PSMF1: variants seen among roughly 807,000 people sequenced by gnomAD.
PSMF1 encodes the protein proteasome inhibitor PI31 subunit.
A neutral mutation model predicts 29.3 loss-of-function variants in PSMF1; 30 were observed. That is an observed-to-expected ratio of 1.02 (90% CI 0.77 to 1.39). The LOEUF is 1.39. PSMF1 is among the 40% of genes most tolerant of loss of function. The pLI is 0.00. For missense variants in PSMF1, 344 were observed against 357.5 expected (o/e 0.96, Z 0.31); for synonymous variants, 134 against 139.7 (o/e 0.96, Z 0.29).
chr20:1,160,599 A>G (rs537841130), intron 4 of PSMF1: 3 of 493,898 alleles, frequency 6.1e-6, no homozygotes, highest in African/African-American at 5.9e-5. Flanking sequence ...AGAAGAGATC[A>G]CCATACTCGT....
At chr20:1,157,331 C>T (rs1226771826) in intron 4 of PSMF1, among the ~76,000 whole-genome samples, 4 of 152,164 alleles carry the variant, frequency 2.6e-5, no homozygotes, top group Non-Finnish European at 5.9e-5. Flanking sequence ...CAGTATTAAC[C>T]ATCACATGTC....
intron 4 of PSMF1, among the ~76,000 whole-genome samples, chr20:1,141,843 A>G (rs1279370056): frequency 2.0e-5 from 3 of 152,232 alleles, no homozygotes; most frequent in African/African-American, 4.8e-5. Flanking sequence ...TTAACATACA[A>G]AAGTTAATTG....
Position 1,164,976 on chromosome 20 carries a change from G to A in PSMF1, c.765-53G>A. On this transcript the variant is annotated intron_variant, in intron 6 of 6. Coordinates refer to ENST00000335877, the MANE Select transcript of PSMF1 (RefSeq NM_006814.5). This position sits in a 1 kb window ranked among gnomAD's most constrained non-coding sequence, Gnocchi z 4.1. ...TCAGTGCAGGGTCATGTCTGCCCAT[G>A]TTCCCCTGGTCTCTCCATCACTCCA... 1.3e-6 allele frequency: 2 copies of A among 1,488,960 alleles called. No individual in the cohort carries two copies. The highest frequency in any genetic ancestry group is 1.9e-6 in the Non-Finnish European group (2 of 1,066,398). The allele number at this position is 1,488,960 out of a possible 1,614,324, so 92.2% of individuals were successfully genotyped here. A position where few individuals can be genotyped will look rare whatever the true frequency, so the allele number is the denominator to read the frequency against.
rs148868345 is a variant in PSMF1 at position 1,157,995 on chromosome 20, C to A, written c.552-5135C>A. ...TCTTGATAGTCTGGGTCAGTCACCC[C>A]AGCCAACATTGTAACTCCCTTCTCA... On this transcript the variant is annotated intron_variant, in intron 4 of 6. Coordinates refer to ENST00000335877, the MANE Select transcript of PSMF1 (RefSeq NM_006814.5). Among the ~76,000 whole-genome samples, 105 of 152,254 alleles carry A rather than the reference C, an allele frequency of 6.9e-4. 1 individual carries two copies. The highest frequency in any genetic ancestry group is 2.5e-3 in the African/African-American group (103 of 41,544).
chr20:1,137,490 C>T (rs960469648), intron 4 of PSMF1, among the ~76,000 whole-genome samples: 5 of 152,154 alleles, frequency 3.3e-5, no homozygotes, highest in African/African-American at 9.7e-5. Flanking sequence ...ATCTAACTCC[C>T]AGTTTAAAAA....
At position 1,129,345 on chromosome 20, in the gene PSMF1, C is replaced by T. The variant is rs539664841; in HGVS notation, c.365+1837C>T. ...TAAATGCACAGTTATCAAACCTTAA[C>T]CGAACCTCAGAACTGCCCAGAAACC... On this transcript the variant is annotated intron_variant, in intron 3 of 6. Coordinates refer to ENST00000335877, the MANE Select transcript of PSMF1 (RefSeq NM_006814.5). Among the ~76,000 whole-genome samples, 44 of 152,292 alleles carry T rather than the reference C, an allele frequency of 2.9e-4. 1 individual carries two copies. The highest frequency in any genetic ancestry group is 5.4e-4 in the Non-Finnish European group (37 of 68,024).
chr20:1,120,101 C>G (rs73893238), intron 1 of PSMF1, among the ~76,000 whole-genome samples: 2,516 of 152,098 alleles, frequency 0.017, 78 homozygotes, highest in African/African-American at 0.057. Context: ...CCCTATTCCT[C>G]TCTGTCTCTT....
intron 3 of PSMF1, among the ~76,000 whole-genome samples, chr20:1,130,835 G>A (rs2086219434): frequency 6.6e-6 from 1 of 152,208 alleles, no homozygotes; most frequent in Non-Finnish European, 1.5e-5. Context: ...TAGAGATGAG[G>A]TCTTTGCTGT....
chr20:1,166,227 C>T lies in PSMF1; in HGVS notation c.*1147C>T. 1.9e-6 allele frequency: 3 copies of T among 1,612,382 alleles called. No individual in the cohort carries two copies. Among genetic ancestry groups the T allele is most frequent in the Non-Finnish European group, 2.5e-6 (3 of 1,179,726 alleles). On this transcript the variant is annotated 3_prime_UTR_variant, in exon 7 of 7. Coordinates refer to ENST00000335877, the MANE Select transcript of PSMF1 (RefSeq NM_006814.5). The stretch of plus-strand genomic sequence containing the variant: ...TTGGTGTTCTCCGGATCCTTTTCAG[C>T]CCGAGGCCTGACAGACGCGGGCAGT...
At chr20:1,150,641 T>C (rs1410443492) in intron 4 of PSMF1, among the ~76,000 whole-genome samples, 2 of 152,212 alleles carry the variant, frequency 1.3e-5, no homozygotes, top group Non-Finnish European at 2.9e-5. Flanking sequence ...ATTGTTTATA[T>C]AATATATTCT....
chr20:1,154,270 CATA>C (rs1433317623), intron 4 of PSMF1, among the ~76,000 whole-genome samples: 8 of 152,180 alleles, frequency 5.3e-5, no homozygotes, highest in African/African-American at 1.7e-4. Flanking sequence ...CAATTTTTAG[CATA>C]ATTTATGTAT....
intron 4 of PSMF1, chr20:1,161,747 G>A (rs760441021): frequency 4.4e-5 from 21 of 478,364 alleles, no homozygotes; most frequent in Non-Finnish European, 7.5e-5. Flanking sequence ...TAATTCACAC[G>A]TATAAATTTG....
chr20:1,135,408 T>C lies in PSMF1; in HGVS notation c.551+102T>C, dbSNP rs183451287. The C allele has an allele frequency of 9.6e-6, 12 of 1,253,592 alleles. No individual in the cohort carries two copies. In the African/African-American group the frequency reaches 1.8e-4, roughly 19 times the overall value. 77.7% of individuals were successfully genotyped at this position (1,253,592 alleles called of 1,614,324 possible). A position where few individuals can be genotyped will look rare whatever the true frequency, so the allele number is the denominator to read the frequency against. The stretch of plus-strand genomic sequence containing the variant: ...GACCCCATCCCTGGCCCGTATGTGT[T>C]TTCAACAAAATGATCAGTGTCTTGG... On this transcript the variant is annotated intron_variant, in intron 4 of 6. Coordinates refer to ENST00000335877, the MANE Select transcript of PSMF1 (RefSeq NM_006814.5).
intron 1 of PSMF1, among the ~76,000 whole-genome samples, chr20:1,125,153 A>G (rs1279980641): frequency 2.0e-5 from 3 of 152,206 alleles, no homozygotes; most frequent in Non-Finnish European, 4.4e-5. Context: ...AACTTTGAAA[A>G]ACACTACTTA....
intron 4 of PSMF1, chr20:1,161,787 G>A (rs2122607545): frequency 2.6e-6 from 1 of 377,946 alleles, no homozygotes; most frequent in Non-Finnish European, 4.9e-6. Context: ...CCTCATGCCA[G>A]CCTCACAAAA....
rs778779823 is a variant in PSMF1, at chr20:1,165,051, C to G, written c.787C>G (p.Pro263Ala). ...PPGPNPDHLP[P>A]PGYDDMYL ...CAGACCTAACCCAGACCATCTCCCC[C>G]CGCCGGGCTACGATGACATGTACCT... is the stretch of plus-strand genomic sequence containing the variant. Residue 263 changes from proline (P) to alanine (A), a missense_variant, in exon 7 of 7, where the codon CCG becomes GCG. Transcript: ENST00000335877. The G allele has an allele frequency of 4.3e-6, 7 of 1,614,032 alleles. No homozygotes were observed. The highest frequency in any genetic ancestry group is 4.2e-6 in the Non-Finnish European group (5 of 1,180,036).
intron 1 of PSMF1, 79 bp from the exon 2 acceptor site, chr20:1,125,406 GAGGTGGGTAAGAT>G: frequency 7.5e-7 from 1 of 1,325,818 alleles, no homozygotes; most frequent in Admixed American, 2.7e-5. Flanking sequence ...TCTGTGAAGT[GAGGTGGGTAAGAT>G]TAGCTTATCT....
At chr20:1,138,810 G>A (rs1282404004) in intron 4 of PSMF1, among the ~76,000 whole-genome samples, 2 of 151,088 alleles carry the variant, frequency 1.3e-5, no homozygotes, top group Admixed American at 1.3e-4. Context: ...GGGCAACAAA[G>A]TGAGACCCTG....
At position 1,164,947 on chromosome 20, in the gene PSMF1, T is replaced by G. The variant is rs2086710396; in HGVS notation, c.765-82T>G. ...CGCCACATCATGTTGAAGGGCAGGC[T>G]CCCTCAGTGCAGGGTCATGTCTGCC... On this transcript the variant is annotated intron_variant, in intron 6 of 6. Transcript: ENST00000335877. The surrounding 1 kb of genome is among the most constrained non-coding windows in gnomAD (Gnocchi z 4.1). The G allele has an allele frequency of 8.4e-7, 1 of 1,194,190 alleles. No individual in the cohort carries two copies. The highest frequency in any genetic ancestry group is 1.2e-6 in the Non-Finnish European group (1 of 802,828). The allele number at this position is 1,194,190 out of a possible 1,614,324, so 74.0% of individuals were successfully genotyped here. A position where few individuals can be genotyped will look rare whatever the true frequency, so the allele number is the denominator to read the frequency against.
Sources: gnomAD v4.1 joint callset for allele counts (sites outside exome capture counted in the v4.1 genomes callset) on GRCh38, gnomAD v4.1.1 for gene constraint, Gnocchi (gnomAD v3.1) non-coding constraint, MANE v1.5 for transcripts, NCBI Gene and HGNC (gene_info 2026-07-23, HGNC 2026-07-21) for gene names.